Variants in PAQR9 observed in about 807,000 individuals in gnomAD.
PAQR9 encodes membrane progestin receptor epsilon.
A neutral mutation model predicts 24.0 loss-of-function variants in PAQR9; 12 were observed. The observed-to-expected ratio is 0.50, with a 90% CI of 0.32 to 0.81. PAQR9 has a LOEUF of 0.81. Among genes scored for constraint, PAQR9 ranks in the 30% least tolerant of loss-of-function variants. The pLI is 0.03. For synonymous variants in PAQR9, 266 were observed against 237.6 expected (o/e 1.12, Z -1.10); for missense variants, 418 against 520.8 (o/e 0.80, Z 1.92).
At chr3:142,963,727 T>TG, upstream of PAQR9, 1 of 798,340 alleles carries the variant, frequency 1.3e-6, no homozygotes, top group Non-Finnish European at 1.5e-6. Context: ...GAGCGGGAGG[T>TG]GGGGATGTGC....
downstream of PAQR9, chr3:142,950,368 T>C (rs929525447): frequency 1.1e-5 from 2 of 187,704 alleles, no homozygotes; most frequent in Non-Finnish European, 2.3e-5. Context: ...TGTGTCTACC[T>C]GTTATGTCTC....
rs77160838 is a variant in PAQR9 at position 142,955,163 on chromosome 3, C to G, written c.*7040G>C. Among the ~76,000 whole-genome samples, 6,816 of 152,070 alleles carry G rather than the reference C, an allele frequency of 0.045. 325 individuals are homozygous for G. The highest frequency in any genetic ancestry group is 0.23 in the East Asian group (1,183 of 5,136). ...CTGACCTGAGGAAAAAATGAGTATG[C>G]CCCTTCAAGTATAATGCCCTTTACT... On this transcript the variant is annotated 3_prime_UTR_variant, in exon 1 of 1. Coordinates refer to ENST00000340634, the MANE Select transcript of PAQR9 (RefSeq NM_198504.4).
downstream of PAQR9, among the ~76,000 whole-genome samples, chr3:142,950,886 A>T (rs745955808): frequency 6.6e-6 from 1 of 152,164 alleles, no homozygotes; most frequent in Non-Finnish European, 1.5e-5. Flanking sequence ...GCCATTCCCC[A>T]CTGGAATGGA....
chr3:142,955,120 T>C lies in PAQR9; in HGVS notation c.*7083A>G, dbSNP rs557648984. 6.6e-6 allele frequency among the ~76,000 whole-genome samples: 1 copy of C among 152,266 alleles called. No homozygotes were observed. The highest frequency in any genetic ancestry group is 2.4e-5 in the African/African-American group (1 of 41,546). On this transcript the variant is annotated 3_prime_UTR_variant, in exon 1 of 1. Coordinates refer to ENST00000340634, the MANE Select transcript of PAQR9 (RefSeq NM_198504.4). ...ATGAAGGTCTCTATTTGATCACTGT[T>C]AACTCTTCCCTCTGCCTCTGACCTG... is the stretch of plus-strand genomic sequence containing the variant.
In PAQR9 at chr3:142,959,173, C is replaced by A. The variant is rs1188835835; in HGVS notation, c.*3030G>T. Among the ~76,000 whole-genome samples the A allele has an allele frequency of 6.6e-6, 1 of 152,094 alleles. No homozygotes were observed. The highest frequency in any genetic ancestry group is 1.9e-4 in the East Asian group (1 of 5,198). The stretch of plus-strand genomic sequence containing the variant: ...TTGTCCTACATTTCAAACAGCTGAA[C>A]ACAATAAAGTAAAACTGAATTTTAA... On this transcript the variant is annotated 3_prime_UTR_variant, in exon 1 of 1. Transcript: ENST00000340634.
chr3:142,959,409 T>C lies in PAQR9; in HGVS notation c.*2794A>G, dbSNP rs866256641. Among the ~76,000 whole-genome samples, 1 of 152,222 alleles carries C rather than the reference T, an allele frequency of 6.6e-6. No homozygotes were observed. The highest frequency in any genetic ancestry group is 2.1e-4 in the South Asian group (1 of 4,830). ...CATCCCTGGCTTTGACTAGTGTATA[T>C]GGTACCTATTTGCAAACATGAAGTG... is the stretch of plus-strand genomic sequence containing the variant. On this transcript the variant is annotated 3_prime_UTR_variant, in exon 1 of 1. Transcript: ENST00000340634.
Position 142,962,109 on chromosome 3 carries a change from GAA to G in PAQR9, c.*92_*93del. On this transcript the variant is annotated 3_prime_UTR_variant, in exon 1 of 1. Transcript: ENST00000340634. ...TGCAGCACCTTCCTTGAGCAAAGAAGAAAACACAATGAAATTTGAAAACAAAC... is the reference window on the plus strand; with the variant it reads ...TGCAGCACCTTCCTTGAGCAAAGAAGAACACAATGAAATTTGAAAACAAAC... The G allele has an allele frequency of 1.4e-6, 2 of 1,409,072 alleles. No homozygotes were observed. The highest frequency in any genetic ancestry group is 1.9e-6 in the Non-Finnish European group (2 of 1,027,070). 87.3% of individuals were successfully genotyped at this position (1,409,072 alleles called of 1,614,324 possible). A position where few individuals can be genotyped will look rare whatever the true frequency, so the allele number is the denominator to read the frequency against.
In PAQR9 at chr3:142,958,283, T is replaced by G. The variant is rs753666145; in HGVS notation, c.*3920A>C. Among the ~76,000 whole-genome samples, 13 of 152,246 alleles carry G rather than the reference T, an allele frequency of 8.5e-5. No individual in the cohort carries two copies. Among genetic ancestry groups the G allele is most frequent in the Non-Finnish European group, 1.8e-4 (12 of 68,038 alleles). On this transcript the variant is annotated 3_prime_UTR_variant, in exon 1 of 1. Transcript: ENST00000340634. ...TTTGCTCAATTTTAAAGTTAGTCAATTAAGGGACTGTATCTATATCTCTTT... is the reference window on the plus strand; with the variant it reads ...TTTGCTCAATTTTAAAGTTAGTCAAGTAAGGGACTGTATCTATATCTCTTT...
chr3:142,962,941 G>A lies in PAQR9; in HGVS notation c.396C>T (p.Thr132=). The change falls in exon 1 of 1, where the codon ACC becomes ACT. Residue 132 remains threonine, a synonymous_variant. Transcript: ENST00000340634. ...LWCYASGVLL[T]FAMSCTAHVF... is the part of the protein sequence containing the mutation. ...CGTGCGCCGTGCAGCTCATGGCGAAGGTCAGCAGCACTCCCGACGCGTAGC... is the reference window on the plus strand; with the variant it reads ...CGTGCGCCGTGCAGCTCATGGCGAAAGTCAGCAGCACTCCCGACGCGTAGC... 1.2e-6 allele frequency: 2 copies of A among 1,614,028 alleles called. No individual in the cohort carries two copies.
At position 142,955,047 on chromosome 3, in the gene PAQR9, C is replaced by T. The variant is rs115804222; in HGVS notation, c.*7156G>A. 0.016 allele frequency among the ~76,000 whole-genome samples: 2,496 copies of T among 152,136 alleles called. 33 individuals are homozygous for T. Among genetic ancestry groups the T allele is most frequent in the Non-Finnish European group, 0.025 (1,732 of 67,998 alleles). ...CATCATTTTTACTCCCTTCTTTCTC[C>T]GTCATCACCCTTAAATGAACTTAAA... is the stretch of plus-strand genomic sequence containing the variant. On this transcript the variant is annotated 3_prime_UTR_variant, in exon 1 of 1. Coordinates refer to ENST00000340634, the MANE Select transcript of PAQR9 (RefSeq NM_198504.4).
chr3:142,951,740 C>T (rs974704738), downstream of PAQR9: 33 of 456,464 alleles, frequency 7.2e-5, no homozygotes, highest in African/African-American at 4.2e-4. Flanking sequence ...TCAGCTATAC[C>T]GGTATAGATG....
downstream of PAQR9, among the ~76,000 whole-genome samples, chr3:142,953,842 C>G (rs1934753108): frequency 6.6e-6 from 1 of 152,148 alleles, no homozygotes; most frequent in Non-Finnish European, 1.5e-5. Flanking sequence ...TACTCTTTTC[C>G]AGGAATTTGA....
chr3:142,963,680 T>G, upstream of PAQR9: 7 of 624,954 alleles, frequency 1.1e-5, no homozygotes, highest in Non-Finnish European at 1.4e-5. Context: ...TGACTGGGCA[T>G]CGCGCGGTGC....
Position 142,963,498 on chromosome 3 carries a change from A to C in PAQR9, c.-162T>G, listed in dbSNP as rs1401044632. 3.9e-6 allele frequency: 4 copies of C among 1,025,290 alleles called. No homozygotes were observed. Among genetic ancestry groups the C allele is most frequent in the Non-Finnish European group, 3.5e-6 (3 of 858,264 alleles). 63.5% of individuals were successfully genotyped at this position (1,025,290 alleles called of 1,614,324 possible). The stretch of plus-strand genomic sequence containing the variant: ...GTGCCTCCGAGCAGCCGCTCCTAAA[A>C]ATTAAATAAATCAATAAGAGAATCA... On this transcript the variant is annotated 5_prime_UTR_variant, in exon 1 of 1. In the 5' UTR this introduces an upstream ATG that the reference lacks. Transcript: ENST00000340634.
downstream of PAQR9, chr3:142,952,817 T>C (rs780310931): frequency 2.2e-6 from 1 of 456,690 alleles, no homozygotes; most frequent in Non-Finnish European, 4.4e-6. Flanking sequence ...TTTGTTCCAA[T>C]CCAATCTTCC....
rs28654778 is a variant in PAQR9, at chr3:142,963,345, G to A, written c.-9C>T. On this transcript the variant is annotated 5_prime_UTR_variant, in exon 1 of 1. Transcript: ENST00000340634. Reference sequence around the variant, plus strand: ...TGCAGGCGCCGCGGCATGGTGCCCGGGGCTCGGCTAGGGCGCGCGCAGGCG... The same window carrying A: ...TGCAGGCGCCGCGGCATGGTGCCCGAGGCTCGGCTAGGGCGCGCGCAGGCG... 59 of 1,319,272 alleles carry A rather than the reference G, an allele frequency of 4.5e-5. No homozygotes were observed. The highest frequency in any genetic ancestry group is 5.5e-5 in the Non-Finnish European group (57 of 1,040,260). The allele number at this position is 1,319,272 out of a possible 1,614,324, so 81.7% of individuals were successfully genotyped here.
In PAQR9 at chr3:142,960,637, G is replaced by GT. The variant is rs1560159161; in HGVS notation, c.*1565dup. The stretch of plus-strand genomic sequence containing the variant: ...ACAAAATGACCTACCAGGAAGTGTG[G>GT]TAAGTATTTAAACAAGTCATCTCAG... On this transcript the variant is annotated 3_prime_UTR_variant, in exon 1 of 1. Transcript: ENST00000340634. 1 of 152,226 alleles carries GT rather than the reference G, an allele frequency of 6.6e-6. No individual in the cohort carries two copies. Among genetic ancestry groups the GT allele is most frequent in the Non-Finnish European group, 1.5e-5 (1 of 68,038 alleles). The allele number at this position is 152,226 out of a possible 1,614,324, so 9.4% of individuals were successfully genotyped here. A position where few individuals can be genotyped will look rare whatever the true frequency, so the allele number is the denominator to read the frequency against.
In PAQR9 at chr3:142,962,475, C is replaced by T. The variant is rs1934917809; in HGVS notation, c.862G>A (p.Ala288Thr). Reference sequence around the variant, plus strand: ...GGGATCTTGCTCACGTTGAAGAAGGCGGCCACCACCAGCCAGAAGTAGCGG... The same window carrying T: ...GGGATCTTGCTCACGTTGAAGAAGGTGGCCACCACCAGCCAGAAGTAGCGG... ...YRRYFWLVVA[A>T]FFNVSKIPER... The change falls in exon 1 of 1, where the codon GCC becomes ACC. Residue 288 changes from alanine (A) to threonine (T), a missense_variant. Transcript: ENST00000340634. 1.2e-6 allele frequency: 2 copies of T among 1,612,830 alleles called. No homozygotes were observed. The highest frequency in any genetic ancestry group is 1.7e-6 in the Non-Finnish European group (2 of 1,179,546).
At chr3:142,950,463 T>C (rs1325364418), downstream of PAQR9, 3 of 276,640 alleles carry the variant, frequency 1.1e-5, no homozygotes, top group South Asian at 3.4e-5. Context: ...CAGTTCAGCT[T>C]TTTACTTGTT....
Sources: allele counts gnomAD v4.1 joint callset (sites outside exome capture counted in the v4.1 genomes callset), GRCh38; gene constraint gnomAD v4.1.1; transcripts MANE v1.5; gene names NCBI Gene and HGNC (gene_info 2026-07-23, HGNC 2026-07-21).